Variants in CDC14B observed in about 807,000 individuals in gnomAD.
CDC14B encodes the protein dual specificity protein phosphatase CDC14B.
Under a neutral mutation model 64.2 loss-of-function variants are expected in CDC14B, and 22 were observed. The ratio of observed to expected loss-of-function variants is 0.34; its 90% confidence interval spans 0.24 to 0.49. CDC14B has a LOEUF of 0.49. Ranked by LOEUF, CDC14B falls within the 20% of genes least tolerant of loss-of-function variation. CDC14B has a pLI of 0.99. For missense variants in CDC14B, 498 were observed against 629.9 expected, an observed-to-expected ratio of 0.79 and a Z score of 2.24; for synonymous variants, 191 against 215.8, an observed-to-expected ratio of 0.89 and a Z score of 1.01.
At chr9:96,613,109 A>G (rs1847420490) in intron 1 of CDC14B, among the ~76,000 whole-genome samples, 1 of 152,228 alleles carries the variant, frequency 6.6e-6, no homozygotes, top group African/African-American at 2.4e-5. Context: ...GGCTTTGCCA[A>G]AAAGAAACTA....
In CDC14B at chr9:96,515,274, T is replaced by C. The variant is rs1423961810; in HGVS notation, c.1344-5485A>G. The stretch of plus-strand genomic sequence containing the variant: ...CAAGATACAGAAAACTAGAGGGAAA[T>C]TGTATAGCCAACTGACGAAAATAAA... On this transcript the variant is annotated intron_variant, in intron 12 of 13. Coordinates refer to ENST00000375241, the MANE Select transcript of CDC14B (RefSeq NM_033331.4). The surrounding 1 kb of genome is among the most constrained non-coding windows in gnomAD (Gnocchi z 4.3). Among the ~76,000 whole-genome samples, 2 of 152,172 alleles carry C rather than the reference T, an allele frequency of 1.3e-5. No individual in the cohort carries two copies. The highest frequency in any genetic ancestry group is 6.5e-5 in the Admixed American group (1 of 15,286).
chr9:96,529,490 C>A (rs80015609), intron 9 of CDC14B, among the ~76,000 whole-genome samples: 119 of 131,106 alleles, frequency 9.1e-4, no homozygotes, highest in African/African-American at 2.1e-3. Context: ...TGTACTAAGC[C>A]TTTTTTTTTT....
At chr9:96,544,952 C>T (rs1200417528) in intron 5 of CDC14B, among the ~76,000 whole-genome samples, 2 of 152,196 alleles carry the variant, frequency 1.3e-5, no homozygotes, top group African/African-American at 2.4e-5. Context: ...AAAGGACTTC[C>T]AGCAGTGGTC....
At chr9:96,505,084 G>A (rs1236429842) in intron 13 of CDC14B, among the ~76,000 whole-genome samples, 1 of 152,008 alleles carries the variant, frequency 6.6e-6, no homozygotes, top group Admixed American at 6.6e-5. Context: ...AGGAGGCTGA[G>A]GCAGGAGAAT....
intron 9 of CDC14B, among the ~76,000 whole-genome samples, chr9:96,529,424 C>T (rs1285077712): frequency 6.6e-6 from 1 of 150,954 alleles, no homozygotes; most frequent in African/African-American, 2.4e-5. Context: ...TATCCTATCA[C>T]TGGTCTATGT....
chr9:96,538,109 A>C (rs1839540644), intron 7 of CDC14B, among the ~76,000 whole-genome samples: 1 of 152,220 alleles, frequency 6.6e-6, no homozygotes, highest in Admixed American at 6.5e-5. Flanking sequence ...TATGGCAAAA[A>C]CAAAGATATT....
intron 1 of CDC14B, among the ~76,000 whole-genome samples, chr9:96,598,510 T>C (rs1846230058): frequency 6.6e-6 from 1 of 152,196 alleles, no homozygotes; most frequent in Non-Finnish European, 1.5e-5. Flanking sequence ...CTAATTTTTG[T>C]ATTTTCAGTA....
intron 1 of CDC14B, among the ~76,000 whole-genome samples, chr9:96,589,844 C>T (rs986781335): frequency 2.0e-5 from 3 of 151,744 alleles, no homozygotes; most frequent in Non-Finnish European, 4.4e-5. Context: ...GCCTGTAGTC[C>T]CAGCTACTCA....
At chr9:96,578,934 C>T (rs1255546053) in intron 1 of CDC14B, among the ~76,000 whole-genome samples, 1 of 152,202 alleles carries the variant, frequency 6.6e-6, no homozygotes, top group Non-Finnish European at 1.5e-5. Flanking sequence ...TCTCCTGCCT[C>T]AGCCTCCCAA....
At chr9:96,612,998 T>C (rs1847413710) in intron 1 of CDC14B, among the ~76,000 whole-genome samples, 1 of 152,230 alleles carries the variant, frequency 6.6e-6, no homozygotes, top group African/African-American at 2.4e-5. Flanking sequence ...TCTCCTAGCC[T>C]AAGTAGCACA....
At chr9:96,556,204 G>A (rs1449636844) in intron 4 of CDC14B, among the ~76,000 whole-genome samples, 7 of 152,132 alleles carry the variant, frequency 4.6e-5, no homozygotes, top group Admixed American at 3.3e-4. Context: ...TGAAATTCCA[G>A]CAACAAATGT....
intron 5 of CDC14B, among the ~76,000 whole-genome samples, chr9:96,549,956 T>C (rs940038295): frequency 2.0e-5 from 3 of 152,228 alleles, no homozygotes; most frequent in Non-Finnish European, 2.9e-5. Flanking sequence ...GGATCCTTCA[T>C]TGCACAGTGC....
At chr9:96,606,258 A>T (rs1204841058) in intron 1 of CDC14B, among the ~76,000 whole-genome samples, 1 of 141,554 alleles carries the variant, frequency 7.1e-6, no homozygotes, top group Non-Finnish European at 1.5e-5. Context: ...ACTTGAACCC[A>T]GGAGGCAGAG....
At chr9:96,546,615 A>G (rs953041208) in intron 5 of CDC14B, among the ~76,000 whole-genome samples, 1 of 151,948 alleles carries the variant, frequency 6.6e-6, no homozygotes, top group African/African-American at 2.4e-5. Context: ...ATGCCCTGCT[A>G]ATTTTTGTAT....
intron 1 of CDC14B, among the ~76,000 whole-genome samples, chr9:96,582,624 G>A (rs1026123065): frequency 2.6e-5 from 4 of 152,282 alleles, no homozygotes; most frequent in South Asian, 2.1e-4. Flanking sequence ...AACTGCTGGC[G>A]AGTGTACCCT....
chr9:96,524,851 T>C (rs1324807417), intron 9 of CDC14B, among the ~76,000 whole-genome samples: 1 of 152,114 alleles, frequency 6.6e-6, no homozygotes, highest in Non-Finnish European at 1.5e-5. Flanking sequence ...ATCTCCTACA[T>C]ATAAAAAAAA....
At chr9:96,577,219 C>T (rs1224404783) in intron 1 of CDC14B, among the ~76,000 whole-genome samples, 1 of 150,112 alleles carries the variant, frequency 6.7e-6, no homozygotes, top group African/African-American at 2.5e-5. Context: ...CCACTGCACT[C>T]CAGCCTGGGT....
chr9:96,529,763 GATTACAGGTGTTAAGCT>G (rs150132002), intron 9 of CDC14B, among the ~76,000 whole-genome samples: 9,502 of 152,028 alleles, frequency 0.063, 925 homozygotes, highest in African/African-American at 0.21. Context: ...AAAGTACTGG[GATTACAGGTGTTAAGCT>G]ACCATGCCCA....
chr9:96,611,709 G>C (rs947701712), intron 1 of CDC14B, among the ~76,000 whole-genome samples: 4 of 151,878 alleles, frequency 2.6e-5, no homozygotes, highest in African/African-American at 9.7e-5. Flanking sequence ...ATTAAGCATG[G>C]AAAGGTCCTT....
Sources: allele counts gnomAD v4.1 joint callset (sites outside exome capture counted in the v4.1 genomes callset), GRCh38; gene constraint gnomAD v4.1.1; non-coding constraint Gnocchi (gnomAD v3.1); transcripts MANE v1.5; gene names NCBI Gene and HGNC (gene_info 2026-07-23, HGNC 2026-07-21).